Variants in CLEC16A observed in about 807,000 individuals in gnomAD.
The protein encoded by CLEC16A is C-type lectin domain containing 16A.
A neutral mutation model predicts 109.5 loss-of-function variants in CLEC16A; 51 were observed. The observed-to-expected ratio is 0.47, with a 90% CI of 0.37 to 0.59. The LOEUF is 0.59. Among genes scored for constraint, CLEC16A ranks in the 20% least tolerant of loss-of-function variants. CLEC16A has a pLI of 0.00. For missense variants in CLEC16A, 1,339 were observed against 1,394.0 expected (o/e 0.96, Z 0.63); for synonymous variants, 673 against 564.2 (o/e 1.19, Z -2.73).
intron 19 of CLEC16A, among the ~76,000 whole-genome samples, chr16:11,078,848 G>A (rs560175473): frequency 2.0e-5 from 3 of 152,156 alleles, no homozygotes; most frequent in East Asian, 3.9e-4. Context: ...CTGGCAGCCC[G>A]AGAGGCCTGT....
chr16:11,124,986 G>A (rs2052699603), intron 21 of CLEC16A, among the ~76,000 whole-genome samples: 2 of 152,170 alleles, frequency 1.3e-5, no homozygotes, highest in South Asian at 4.1e-4. Flanking sequence ...CTATTCGGGA[G>A]GCTGAGGCGG....
At chr16:11,031,187 T>G (rs962913648) in intron 13 of CLEC16A, among the ~76,000 whole-genome samples, 1 of 152,224 alleles carries the variant, frequency 6.6e-6, no homozygotes, top group African/African-American at 2.4e-5. Flanking sequence ...CAGAGTTTGC[T>G]GATTGGTTGC....
intron 22 of CLEC16A, among the ~76,000 whole-genome samples, chr16:11,155,198 G>A (rs2054461063): frequency 6.6e-6 from 1 of 152,110 alleles, no homozygotes; most frequent in African/African-American, 2.4e-5. Flanking sequence ...TTCCAGCCGA[G>A]GAATCAAAAC....
At position 11,126,414 on chromosome 16, in the gene CLEC16A, T is replaced by C; in HGVS notation, c.2641+268T>C. 2.1e-6 allele frequency: 3 copies of C among 1,420,636 alleles called. No homozygotes were observed. The South Asian group carries it at 4.6e-5, about 22-fold the overall frequency. The allele number at this position is 1,420,636 out of a possible 1,614,324, so 88.0% of individuals were successfully genotyped here. On this transcript the variant is annotated intron_variant, in intron 22 of 23. Transcript: ENST00000409790. ...ACTTCTCAGAATTGACTAAGAATTT[T>C]CTTGGAAATTTCTTGGAAACATTTA...
intron 11 of CLEC16A, among the ~76,000 whole-genome samples, chr16:11,004,029 TTC>T (rs1481885282): frequency 2.0e-5 from 3 of 151,932 alleles, no homozygotes; most frequent in Non-Finnish European, 4.4e-5. Context: ...TCAAATATAA[TTC>T]TCTCAATTCT....
At chr16:11,044,802 T>G (rs1405081146) in intron 16 of CLEC16A, among the ~76,000 whole-genome samples, 1 of 151,784 alleles carries the variant, frequency 6.6e-6, no homozygotes, top group Non-Finnish European at 1.5e-5. Context: ...GGCGCATGCG[T>G]GTAATTGCAG....
intron 11 of CLEC16A, among the ~76,000 whole-genome samples, chr16:11,018,135 C>G (rs529379182): frequency 1.4e-3 from 219 of 151,272 alleles, no homozygotes; most frequent in African/African-American, 5.2e-3. Flanking sequence ...TAGTGAGACC[C>G]CATCTCTACA....
At chr16:11,141,835 G>A (rs1234842841) in intron 22 of CLEC16A, among the ~76,000 whole-genome samples, 2 of 152,198 alleles carry the variant, frequency 1.3e-5, no homozygotes, top group African/African-American at 4.8e-5. Context: ...TAGCAGCTTG[G>A]GACAGGCAAA....
chr16:11,079,602 C>CT (rs1041376945), intron 19 of CLEC16A, among the ~76,000 whole-genome samples: 109 of 152,208 alleles, frequency 7.2e-4, no homozygotes, highest in African/African-American at 2.5e-3. Context: ...TTGCATTTAT[C>CT]TTTTTTTTAC....
At chr16:10,985,184 C>G (rs971283614) in intron 10 of CLEC16A, among the ~76,000 whole-genome samples, 2 of 118,954 alleles carry the variant, frequency 1.7e-5, no homozygotes, top group Admixed American at 1.0e-4. Context: ...GCCTGGGCGA[C>G]AGAGCAAGAC....
chr16:11,154,794 G>A (rs1012839522), intron 22 of CLEC16A, among the ~76,000 whole-genome samples: 2 of 152,156 alleles, frequency 1.3e-5, no homozygotes, highest in African/African-American at 4.8e-5. Context: ...AGGTGTGGTG[G>A]CAGTTGCCTA....
chr16:11,175,195 C>T (rs1348389274), intron 23 of CLEC16A, among the ~76,000 whole-genome samples: 2 of 152,224 alleles, frequency 1.3e-5, no homozygotes, highest in Non-Finnish European at 2.9e-5. Flanking sequence ...CCACCCTAGG[C>T]CTGCAGATCA....
At chr16:11,177,793 G>A (rs1370740803) in intron 23 of CLEC16A, among the ~76,000 whole-genome samples, 2 of 151,960 alleles carry the variant, frequency 1.3e-5, no homozygotes, top group East Asian at 1.9e-4. Flanking sequence ...GGAGGAGGAG[G>A]AGGAGACAGG....
chr16:10,989,934 G>A (rs573945784), intron 10 of CLEC16A, among the ~76,000 whole-genome samples: 10 of 152,210 alleles, frequency 6.6e-5, no homozygotes, highest in Non-Finnish European at 1.0e-4. Flanking sequence ...TGTGCTGAAT[G>A]CATCAGGCAG....
chr16:11,112,764 C>G (rs1460852165), intron 19 of CLEC16A, among the ~76,000 whole-genome samples: 2 of 152,206 alleles, frequency 1.3e-5, no homozygotes, highest in East Asian at 3.8e-4. Flanking sequence ...AGTAGGAGGG[C>G]TATGTCACCT....
At chr16:11,047,657 T>G (rs1157170005) in intron 17 of CLEC16A, 1 of 192,978 alleles carries the variant, frequency 5.2e-6, no homozygotes. Flanking sequence ...CTGTACAGAT[T>G]ATATCTCTTC....
intron 11 of CLEC16A, among the ~76,000 whole-genome samples, chr16:11,011,829 G>GT (rs372388785): frequency 1.1e-4 from 17 of 149,588 alleles, no homozygotes; most frequent in South Asian, 2.1e-4. Flanking sequence ...GAATTTACAG[G>GT]TTTTTTTTTT....
intron 21 of CLEC16A, 46 bp from the exon 22 acceptor site, chr16:11,125,933 T>G: frequency 2.6e-6 from 1 of 388,228 alleles, no homozygotes; most frequent in Non-Finnish European, 3.7e-6. Flanking sequence ...ACCACCCCCC[T>G]CTATCCCACA....
intron 19 of CLEC16A, among the ~76,000 whole-genome samples, chr16:11,091,283 T>C (rs1477543651): frequency 6.6e-6 from 1 of 152,250 alleles, no homozygotes; most frequent in Admixed American, 6.5e-5. Flanking sequence ...AGGGAAGTTG[T>C]GTGTGGCTTT....
Sources: gnomAD v4.1 joint callset for allele counts (sites outside exome capture counted in the v4.1 genomes callset) on GRCh38, gnomAD v4.1.1 for gene constraint, MANE v1.5 for transcripts, NCBI Gene and HGNC (gene_info 2026-07-23, HGNC 2026-07-21) for gene names.